The following SNX29 variants were observed in gnomAD, a reference collection of about 807,000 sequenced individuals.
The protein encoded by SNX29 is sorting nexin 29, also known as sorting nexin-29.
In SNX29, 78 loss-of-function variants were observed where a neutral mutation model predicts 102.1. The ratio of observed to expected loss-of-function variants is 0.76; its 90% CI spans 0.64 to 0.92. SNX29 has a LOEUF of 0.92. Among genes scored for constraint, SNX29 ranks in the 40% least tolerant of loss-of-function variants. SNX29 has a pLI of 0.00. For missense variants in SNX29, 1,280 were observed against 1,061.7 expected (o/e 1.21, Z -2.86); for synonymous variants, 580 against 414.5 (o/e 1.40, Z -4.85).
At chr16:12,434,148 G>C (rs1330159561) in intron 18 of SNX29, among the ~76,000 whole-genome samples, 1 of 152,234 alleles carries the variant, frequency 6.6e-6, no homozygotes, top group Non-Finnish European at 1.5e-5. Context: ...ATTGAAACAT[G>C]CTTCTGCCTG....
intron 13 of SNX29, among the ~76,000 whole-genome samples, chr16:12,151,770 C>T (rs920552836): frequency 6.6e-5 from 10 of 152,172 alleles, no homozygotes; most frequent in African/African-American, 2.4e-4. Flanking sequence ...GAGCCTCACT[C>T]TGACACCCAG....
chr16:12,247,713 C>T lies in SNX29; in HGVS notation c.1679-30220C>T, dbSNP rs370343852. On this transcript the variant is annotated intron_variant, in intron 14 of 20. Coordinates refer to ENST00000566228, the MANE Select transcript of SNX29 (RefSeq NM_032167.5). The stretch of plus-strand genomic sequence containing the variant: ...CCTCAAGGTTTAAAAAGTCCCACTT[C>T]CCAGCGGCCTCCAGACTAGTTTTTA... 4.3e-4 allele frequency among the ~76,000 whole-genome samples: 65 copies of T among 152,306 alleles called. 1 individual carries two copies. In the Middle Eastern group the frequency reaches 0.01, roughly 24 times the overall value.
chr16:12,521,337 A>T (rs1894967), intron 19 of SNX29, among the ~76,000 whole-genome samples: 1 of 151,800 alleles, frequency 6.6e-6, no homozygotes, highest in Non-Finnish European at 1.5e-5. Context: ...GGTTTCCAGG[A>T]AGCAGCTATT....
intron 16 of SNX29, among the ~76,000 whole-genome samples, chr16:12,365,326 T>TTTGTG: frequency 7.1e-6 from 1 of 139,868 alleles, no homozygotes; most frequent in South Asian, 2.4e-4. Flanking sequence ...ACATCAGGAT[T>TTTGTG]TGTGTGTGTG....
chr16:12,118,313 C>CTTTCTTTTTTT lies in SNX29; in HGVS notation c.1403-8317_1403-8316insCTTTTTTTTTT, dbSNP rs1286174976. Among the ~76,000 whole-genome samples the CTTTCTTTTTTT allele has an allele frequency of 1.4e-3, 120 of 86,118 alleles. 2 individuals carry two copies. The highest frequency in any genetic ancestry group is 2.1e-3 in the East Asian group (4 of 1,874). The allele number at this position is 86,118 out of a possible 152,430, so 56.5% of individuals were successfully genotyped here. On this transcript the variant is annotated intron_variant, in intron 11 of 20. Transcript: ENST00000566228. ...TGTAGATAGTAGATATACAGACCACCTTTTTTTTTTTTTTTTTTTTTTTAT... is the reference window on the plus strand; with the variant it reads ...TGTAGATAGTAGATATACAGACCACCTTTCTTTTTTTTTTTTTTTTTTTTTTTTTTTTTTAT...
rs1356244246 is a variant in SNX29, at chr16:12,276,935, AAAGGTTTTCTT to A, written c.1679-997_1679-987del. On this transcript the variant is annotated intron_variant, in intron 14 of 20. Transcript: ENST00000566228. ...TCTGTGTTGGTTTCCGAGTTTTTCTAAAGGTTTTCTTGCTGTCATCCTAAGTATGGTTTATA... is the reference window on the plus strand; with the variant it reads ...TCTGTGTTGGTTTCCGAGTTTTTCTAGCTGTCATCCTAAGTATGGTTTATA... Among the ~76,000 whole-genome samples the A allele has an allele frequency of 2.6e-5, 4 of 151,226 alleles. No individual in the cohort carries two copies. The East Asian group carries it at 7.7e-4, about 29-fold the overall frequency.
At chr16:12,339,394 A>AAAAAAAAAAAAT (rs2081549724) in intron 15 of SNX29, among the ~76,000 whole-genome samples, 1 of 147,870 alleles carries the variant, frequency 6.8e-6, no homozygotes, top group Non-Finnish European at 1.5e-5. Context: ...AAAAAAAAAA[A>AAAAAAAAAAAAT]GATTATGGGT....
intron 20 of SNX29, among the ~76,000 whole-genome samples, chr16:12,562,715 G>A (rs766067353): frequency 2.6e-5 from 4 of 152,176 alleles, no homozygotes; most frequent in East Asian, 1.9e-4. Context: ...GAAGCCTACC[G>A]TGGTACTGTT....
At chr16:12,034,385 T>G (rs551525403) in intron 4 of SNX29, among the ~76,000 whole-genome samples, 1 of 152,288 alleles carries the variant, frequency 6.6e-6, no homozygotes, top group South Asian at 2.1e-4. Flanking sequence ...AAGGGAAGCC[T>G]TGGAAGGATG....
chr16:12,286,166 A>G (rs1159567693), intron 15 of SNX29, among the ~76,000 whole-genome samples: 2 of 150,434 alleles, frequency 1.3e-5, no homozygotes, highest in Admixed American at 1.3e-4. Flanking sequence ...TTTTAATCAC[A>G]TGAAGCTGAG....
At chr16:12,446,757 C>T (rs1055294326) in intron 18 of SNX29, among the ~76,000 whole-genome samples, 9 of 152,112 alleles carry the variant, frequency 5.9e-5, no homozygotes, top group Non-Finnish European at 1.3e-4. Flanking sequence ...CACTTAGAAT[C>T]GGCTCCAGTA....
At chr16:12,377,352 C>T (rs758117350) in intron 16 of SNX29, among the ~76,000 whole-genome samples, 1 of 152,170 alleles carries the variant, frequency 6.6e-6, no homozygotes, top group Non-Finnish European at 1.5e-5. Flanking sequence ...TGTCACCATC[C>T]TCACCTGCAG....
intron 3 of SNX29, among the ~76,000 whole-genome samples, chr16:12,014,130 T>G (rs1366004558): frequency 6.6e-6 from 1 of 152,088 alleles, no homozygotes; most frequent in East Asian, 1.9e-4. Context: ...GCTTTTGGTT[T>G]GAATTTTTTG....
chr16:12,447,652 C>G (rs1210796048), intron 18 of SNX29, among the ~76,000 whole-genome samples: 1 of 152,188 alleles, frequency 6.6e-6, no homozygotes, highest in African/African-American at 2.4e-5. Flanking sequence ...GCTGAGGGGA[C>G]TAATTGGAGC....
chr16:12,330,695 T>C (rs1288152004), intron 15 of SNX29, among the ~76,000 whole-genome samples: 1 of 152,214 alleles, frequency 6.6e-6, no homozygotes, highest in Non-Finnish European at 1.5e-5. Flanking sequence ...ACGCGAGTCC[T>C]GGCGGCGCTT....
intron 17 of SNX29, among the ~76,000 whole-genome samples, chr16:12,402,723 G>A (rs1262811882): frequency 6.6e-6 from 1 of 152,224 alleles, no homozygotes; most frequent in African/African-American, 2.4e-5. Context: ...ATAGGTAAAA[G>A]CATGGAGCTG....
intron 15 of SNX29, among the ~76,000 whole-genome samples, chr16:12,309,844 C>T (rs1461916656): frequency 6.6e-6 from 1 of 152,158 alleles, no homozygotes; most frequent in African/African-American, 2.4e-5. Flanking sequence ...CATGCAGTGC[C>T]TTTGACCATC....
chr16:12,415,323 C>A (rs979756401), intron 18 of SNX29, among the ~76,000 whole-genome samples: 1 of 152,224 alleles, frequency 6.6e-6, no homozygotes, highest in Admixed American at 6.5e-5. Flanking sequence ...TTGCTGCCCA[C>A]TCGGCAGGAT....
chr16:12,111,532 A>G (rs2053501510), intron 11 of SNX29, among the ~76,000 whole-genome samples: 1 of 152,116 alleles, frequency 6.6e-6, no homozygotes, highest in Admixed American at 6.5e-5. Context: ...CGTCTCAGTG[A>G]CACAGTGGGG....
Sources: gnomAD v4.1 joint callset for allele counts (sites outside exome capture counted in the v4.1 genomes callset) on GRCh38, gnomAD v4.1.1 for gene constraint, MANE v1.5 for transcripts, NCBI Gene and HGNC (gene_info 2026-07-23, HGNC 2026-07-21) for gene names.